Variants in ZSCAN18 observed in about 807,000 individuals in gnomAD.
The protein encoded by ZSCAN18 is zinc finger and SCAN domain containing 18, also known as zinc finger and SCAN domain-containing protein 18.
In ZSCAN18, 16 loss-of-function variants were observed where a neutral mutation model predicts 31.1. The ratio of observed to expected loss-of-function variants is 0.51; its 90% CI spans 0.35 to 0.78. The LOEUF (loss-of-function observed/expected upper bound fraction) is 0.78. Ranked by LOEUF, ZSCAN18 falls within the 30% of genes least tolerant of loss-of-function variation. The pLI, the probability that ZSCAN18 is intolerant of heterozygous loss-of-function variation, is 0.01. For synonymous variants in ZSCAN18, 375 were observed against 320.7 expected (o/e 1.17, Z -1.81); for missense variants, 731 against 697.4 (o/e 1.05, Z -0.54).
chr19:58,115,299 G>T (rs1237310124), intron 1 of ZSCAN18, among the ~76,000 whole-genome samples: 1 of 152,156 alleles, frequency 6.6e-6, no homozygotes, highest in East Asian at 1.9e-4. Context: ...TTCTATTCTG[G>T]ATTCAACAGG....
intron 1 of ZSCAN18, chr19:58,109,298 C>T (rs2074660404): frequency 3.2e-6 from 4 of 1,231,538 alleles, no homozygotes. Context: ...ACTTTTGTTT[C>T]CCAGGCTGGA....
At chr19:58,102,845 C>T (rs1013588187), upstream of ZSCAN18, among the ~76,000 whole-genome samples, 1 of 152,092 alleles carries the variant, frequency 6.6e-6, no homozygotes, top group Non-Finnish European at 1.5e-5. Context: ...TAAAAGGCTG[C>T]CTGAGGCCTA....
chr19:58,084,764 T>C lies in ZSCAN18; in HGVS notation c.1454A>G (p.Gln485Arg). The C allele has an allele frequency of 6.4e-7, 1 of 1,570,388 alleles. No homozygotes were observed. The highest frequency in any genetic ancestry group is 8.6e-7 in the Non-Finnish European group (1 of 1,166,226). ...RGPQPSTREA[Q>R]AGARAGGPPE... is the part of the protein sequence containing the mutation. ...GGGACCGCCCGCCCTAGCCCCCGCCTGGGCTTCGCGGGTGGACGGTTGGGG... is the reference window on the plus strand; with the variant it reads ...GGGACCGCCCGCCCTAGCCCCCGCCCGGGCTTCGCGGGTGGACGGTTGGGG... The change falls in exon 7 of 7, where the codon CAG (glutamine) becomes CGG (arginine). Residue 485 changes from glutamine to arginine, a missense_variant. Physicochemically the swap from Gln to Arg is conservative, Grantham distance 43 (BLOSUM62 1). Around this residue, in one of 4 missense-constraint regions of ZSCAN18, gnomAD observed 597 missense variants for 499.5 expected, o/e 1.20. Transcript: ENST00000601144. This position sits in a 1 kb window ranked among gnomAD's most constrained non-coding sequence, Gnocchi z 4.5.
At chr19:58,109,181 C>G (rs1419383676) in intron 1 of ZSCAN18, 1 of 1,231,308 alleles carries the variant, frequency 8.1e-7, no homozygotes. Context: ...CATTCCCAGA[C>G]CTCTCCTAAT....
intron 1 of ZSCAN18, among the ~76,000 whole-genome samples, chr19:58,095,145 C>T (rs945173944): frequency 3.3e-5 from 5 of 152,168 alleles, no homozygotes; most frequent in Admixed American, 6.5e-5. Context: ...GGAGGCGTGA[C>T]GCCAGCTCTA....
chr19:58,089,584 C>A (rs1009218888), intron 2 of ZSCAN18, among the ~76,000 whole-genome samples: 1 of 152,300 alleles, frequency 6.6e-6, no homozygotes, highest in Admixed American at 6.5e-5. Flanking sequence ...TGAGATTGCG[C>A]CACTGCGCTC....
intron 1 of ZSCAN18, among the ~76,000 whole-genome samples, chr19:58,112,956 A>AAAAAAAAG (rs2074698258): frequency 6.6e-6 from 1 of 150,540 alleles, no homozygotes; most frequent in Non-Finnish European, 1.5e-5. Flanking sequence ...GTTTCAAAAA[A>AAAAAAAAG]AAAAAAAAAA....
In ZSCAN18 at chr19:58,090,351, G is replaced by C. The variant is rs201279101; in HGVS notation, c.-84C>G. ...GGAGAGGTGCCAGGGATGACCAGAT[G>C]CCCAGTGGGCTCAGGTGGTGCCAGA... On this transcript the variant is annotated 5_prime_UTR_variant, in exon 2 of 7. Transcript: ENST00000601144. The surrounding 1 kb of genome is among the most constrained non-coding windows in gnomAD (Gnocchi z 4.7). 4.2e-4 allele frequency: 665 copies of C among 1,600,094 alleles called. 4 individuals carry two copies. In the African/African-American group the frequency reaches 8.2e-3, roughly 20 times the overall value.
chr19:58,106,577 G>A lies in ZSCAN18; in HGVS notation c.130+11690C>T, dbSNP rs111628765. On this transcript the variant is annotated intron_variant, in intron 1 of 1. Transcript: ENST00000595721. ...AAATTAGCCGGGCGTAGTGGCGGGC[G>A]CCTGTAGTCCCAGCTACTTGGGAGG... Among the ~76,000 whole-genome samples the A allele has an allele frequency of 1.9e-4, 8 of 41,740 alleles. 4 individuals carry two copies. The highest frequency in any genetic ancestry group is 2.8e-4 in the Non-Finnish European group (4 of 14,066). 27.4% of individuals were successfully genotyped at this position (41,740 alleles called of 152,430 possible). A position where few individuals can be genotyped will look rare whatever the true frequency, so the allele number is the denominator to read the frequency against.
At chr19:58,117,282 G>C (rs2074738020) in intron 1 of ZSCAN18, among the ~76,000 whole-genome samples, 1 of 152,136 alleles carries the variant, frequency 6.6e-6, no homozygotes, top group Non-Finnish European at 1.5e-5. Context: ...ATGCTCAGCT[G>C]AGGATCCCAA....
chr19:58,087,201 C>A, intron 4 of ZSCAN18, 115 bp downstream of exon 4: 2 of 1,212,278 alleles, frequency 1.6e-6, no homozygotes. Flanking sequence ...GGGTTCTGGG[C>A]CTCAGCGCTG....
intron 1 of ZSCAN18, chr19:58,109,021 C>A: frequency 8.2e-7 from 1 of 1,214,592 alleles, no homozygotes; most frequent in South Asian, 4.3e-5. Context: ...TGTTTGAGGA[C>A]CTCTTTGACA....
At chr19:58,101,226 G>A (rs1446756887), upstream of ZSCAN18, among the ~76,000 whole-genome samples, 1 of 150,110 alleles carries the variant, frequency 6.7e-6, no homozygotes, top group Non-Finnish European at 1.5e-5. Context: ...TCCACCTCCC[G>A]GGTTCACGCC....
upstream of ZSCAN18, chr19:58,098,279 T>C: frequency 1.0e-6 from 1 of 985,382 alleles, no homozygotes. Context: ...GGACTACGAC[T>C]CCCACAATGC....
chr19:58,086,135 AC>A (rs769135830), intron 6 of ZSCAN18, 38 bp downstream of exon 6: 2 of 1,601,596 alleles, frequency 1.2e-6, no homozygotes, highest in Non-Finnish European at 1.7e-6. Context: ...GAAAAAGCAA[AC>A]CCCACCCGGC....
chr19:58,109,765 A>T (rs2146025370), intron 1 of ZSCAN18, among the ~76,000 whole-genome samples: 1 of 151,806 alleles, frequency 6.6e-6, no homozygotes, highest in South Asian at 2.1e-4. Context: ...GCTTTTACAA[A>T]ATCATATGTG....
chr19:58,087,060 AC>A, intron 4 of ZSCAN18, 52 bp from the exon 5 acceptor site: 1 of 1,405,698 alleles, frequency 7.1e-7, no homozygotes, highest in Non-Finnish European at 9.7e-7. Flanking sequence ...AGAAGGGAGG[AC>A]CCGCCGCAGC....
At position 58,090,540 on chromosome 19, in the gene ZSCAN18, G is replaced by C. The variant is rs1422717924; in HGVS notation, c.-119-154C>G. The stretch of plus-strand genomic sequence containing the variant: ...AGTAGAACCTCAGTGTTGTACTCAT[G>C]TAGATAAAAAGTAGCATGTAAATGG... On this transcript the variant is annotated intron_variant, in intron 1 of 6. Transcript: ENST00000601144. This position sits in a 1 kb window ranked among gnomAD's most constrained non-coding sequence, Gnocchi z 4.7. 4 of 617,848 alleles carry C rather than the reference G, an allele frequency of 6.5e-6. No individual in the cohort carries two copies. Among genetic ancestry groups the C allele is most frequent in the Non-Finnish European group, 7.9e-6 (3 of 379,086 alleles). 38.3% of individuals were successfully genotyped at this position (617,848 alleles called of 1,614,324 possible).
intron 1 of ZSCAN18, chr19:58,092,382 C>G (rs765110131): frequency 6.6e-6 from 1 of 152,030 alleles, no homozygotes; most frequent in Non-Finnish European, 1.5e-5. Context: ...CGAGACCAGC[C>G]TGGTCAACAT....
Sources: allele counts gnomAD v4.1 joint callset (sites outside exome capture counted in the v4.1 genomes callset), GRCh38; gene constraint gnomAD v4.1.1; regional missense constraint gnomAD v4.1.1; non-coding constraint Gnocchi (gnomAD v3.1); transcripts MANE v1.5; gene names NCBI Gene and HGNC (gene_info 2026-07-23, HGNC 2026-07-21).